Variants in KCNH1 observed in about 807,000 individuals in gnomAD.
The protein encoded by KCNH1 is potassium voltage-gated channel subfamily H member 1.
In KCNH1, 27 loss-of-function variants were observed where a neutral mutation model predicts 69.2. The ratio of observed to expected loss-of-function variants is 0.39; its 90% confidence interval spans 0.29 to 0.54. KCNH1 has a LOEUF of 0.54. Among genes scored for constraint, KCNH1 ranks in the 20% least tolerant of loss-of-function variants. KCNH1 has a pLI of 0.68. For missense variants in KCNH1, 798 were observed against 1,261.6 expected (o/e 0.63, Z 5.57); for synonymous variants, 456 against 487.7 (o/e 0.93, Z 0.86).
chr1:210,945,302 A>T (rs1366732491), intron 6 of KCNH1, among the ~76,000 whole-genome samples: 2 of 152,336 alleles, frequency 1.3e-5, no homozygotes, highest in Non-Finnish European at 2.9e-5. Flanking sequence ...TACACAATGT[A>T]TACTATGTGC....
chr1:211,108,565 G>A (rs574437143), intron 1 of KCNH1: 5 of 152,262 alleles, frequency 3.3e-5, no homozygotes, highest in African/African-American at 9.6e-5. Context: ...GGCAGGCTTG[G>A]GAAAATGATT....
chr1:210,806,875 T>A (rs1684592441), intron 7 of KCNH1, among the ~76,000 whole-genome samples: 1 of 132,048 alleles, frequency 7.6e-6, no homozygotes. Flanking sequence ...GGCATGGTGG[T>A]GCACACGAGT....
chr1:210,918,040 C>A, intron 7 of KCNH1, among the ~76,000 whole-genome samples: 1 of 152,166 alleles, frequency 6.6e-6, no homozygotes, highest in Non-Finnish European at 1.5e-5. Context: ...TCAATTACCC[C>A]CTTAGACACA....
At chr1:210,752,684 A>C (rs995036848) in intron 10 of KCNH1, among the ~76,000 whole-genome samples, 1 of 152,102 alleles carries the variant, frequency 6.6e-6, no homozygotes, top group South Asian at 2.1e-4. Context: ...GAAGGAGGAG[A>C]ACGGAGGAAA....
At chr1:210,762,625 G>A (rs1574240958) in intron 10 of KCNH1, among the ~76,000 whole-genome samples, 1 of 152,002 alleles carries the variant, frequency 6.6e-6, no homozygotes, top group East Asian at 1.9e-4. Context: ...AAATCTAGAA[G>A]AAATTGATAA....
At chr1:211,086,024 G>C (rs1571635156) in intron 4 of KCNH1, among the ~76,000 whole-genome samples, 2 of 152,110 alleles carry the variant, frequency 1.3e-5, no homozygotes, top group African/African-American at 4.8e-5. Flanking sequence ...GCATATATTA[G>C]ATCATTGACT....
chr1:210,856,069 T>C (rs1685828661), intron 7 of KCNH1, among the ~76,000 whole-genome samples: 1 of 152,198 alleles, frequency 6.6e-6, no homozygotes, highest in Non-Finnish European at 1.5e-5. Flanking sequence ...ATGTTCCTCC[T>C]TAGAAAATCT....
intron 10 of KCNH1, among the ~76,000 whole-genome samples, chr1:210,769,570 C>T (rs1290473628): frequency 6.6e-6 from 1 of 152,170 alleles, no homozygotes; most frequent in Non-Finnish European, 1.5e-5. Flanking sequence ...CTATACACAA[C>T]AATATTGGCT....
chr1:211,050,304 C>A (rs1690177699), intron 5 of KCNH1, among the ~76,000 whole-genome samples: 1 of 99,688 alleles, frequency 1.0e-5, no homozygotes. Context: ...CAGCTTGATG[C>A]TAACAAGGCT....
At chr1:211,118,545 G>A (rs1015710374) in intron 1 of KCNH1, among the ~76,000 whole-genome samples, 1 of 152,048 alleles carries the variant, frequency 6.6e-6, no homozygotes, top group African/African-American at 2.4e-5. Context: ...TAAGTGTAAG[G>A]TTTCCTAAAT....
chr1:211,064,486 G>A (rs931495803), intron 5 of KCNH1, among the ~76,000 whole-genome samples: 41 of 152,190 alleles, frequency 2.7e-4, no homozygotes, highest in Middle Eastern at 6.8e-3. Context: ...GTGTGAACCT[G>A]GGAGGCGGAG....
chr1:210,871,262 T>A (rs4634970), intron 7 of KCNH1, among the ~76,000 whole-genome samples: 101,144 of 152,082 alleles, frequency 0.67, 34,618 homozygotes, highest in African/African-American at 0.82. Context: ...GACACTTCTC[T>A]AAAGAAGACA....
chr1:210,728,285 C>T (rs141500966), intron 10 of KCNH1, among the ~76,000 whole-genome samples: 11 of 152,212 alleles, frequency 7.2e-5, no homozygotes, highest in Admixed American at 7.2e-4. Context: ...GAGCCTGAGA[C>T]CACATGAAAG....
chr1:210,898,005 C>T (rs1574325341), intron 7 of KCNH1, among the ~76,000 whole-genome samples: 1 of 152,196 alleles, frequency 6.6e-6, no homozygotes, highest in African/African-American at 2.4e-5. Context: ...CAGCTGCCTC[C>T]TCCAGGAACA....
chr1:210,951,555 T>C (rs1688062628), intron 6 of KCNH1, among the ~76,000 whole-genome samples: 1 of 152,146 alleles, frequency 6.6e-6, no homozygotes, highest in Non-Finnish European at 1.5e-5. Flanking sequence ...AGCAGAAGCA[T>C]TTCTTTCTAG....
chr1:210,743,999 G>A (rs1251598710), intron 10 of KCNH1, among the ~76,000 whole-genome samples: 3 of 152,106 alleles, frequency 2.0e-5, no homozygotes, highest in Non-Finnish European at 1.5e-5. Context: ...AGGGCTCTCC[G>A]GTGCCAGGCA....
intron 9 of KCNH1, among the ~76,000 whole-genome samples, chr1:210,782,040 T>A (rs1290757493): frequency 6.6e-6 from 1 of 152,112 alleles, no homozygotes; most frequent in Non-Finnish European, 1.5e-5. Flanking sequence ...CTCCTGCTCA[T>A]CCTTCAAAAT....
At chr1:210,955,251 A>G (rs1384325396) in intron 6 of KCNH1, among the ~76,000 whole-genome samples, 3 of 152,076 alleles carry the variant, frequency 2.0e-5, no homozygotes, top group African/African-American at 4.8e-5. Flanking sequence ...GTTCTGTTCT[A>G]TTAGTCTGTA....
intron 7 of KCNH1, among the ~76,000 whole-genome samples, chr1:210,836,529 C>T (rs1223183579): frequency 6.6e-6 from 1 of 152,184 alleles, no homozygotes; most frequent in Non-Finnish European, 1.5e-5. Flanking sequence ...CCCTCATCTT[C>T]CCTGTCCACT....
Sources: gnomAD v4.1 joint callset for allele counts (sites outside exome capture counted in the v4.1 genomes callset) on GRCh38, gnomAD v4.1.1 for gene constraint, MANE v1.5 for transcripts, NCBI Gene and HGNC (gene_info 2026-07-23, HGNC 2026-07-21) for gene names.